The following SGMS1 variants were observed in gnomAD, a reference collection of about 807,000 sequenced individuals.
SGMS1 encodes sphingomyelin synthase 1.
A neutral mutation model predicts 46.2 loss-of-function variants in SGMS1; 13 were observed. The ratio of observed to expected loss-of-function variants is 0.28; its 90% confidence interval spans 0.18 to 0.45. The LOEUF (loss-of-function observed/expected upper bound fraction) is 0.45. Among genes scored for constraint, SGMS1 ranks in the 20% least tolerant of loss-of-function variants. The probability of loss-of-function intolerance (pLI) is 1.00; values close to 1 mark genes in which losing one functional copy is unlikely to be tolerated. For missense variants in SGMS1, 324 were observed against 519.9 expected, an observed-to-expected ratio of 0.62 and a Z score of 3.66; for synonymous variants, 203 against 187.8, an observed-to-expected ratio of 1.08 and a Z score of -0.66.
chr10:50,382,624 AAC>A (rs1554931811), intron 6 of SGMS1, among the ~76,000 whole-genome samples: 1 of 150,682 alleles, frequency 6.6e-6, no homozygotes, highest in South Asian at 2.1e-4. Context: ...CCAAAAAAAA[AAC>A]ACACACACAC....
At chr10:50,509,406 GT>G (rs1377746708) in intron 3 of SGMS1, among the ~76,000 whole-genome samples, 1 of 152,142 alleles carries the variant, frequency 6.6e-6, no homozygotes, top group East Asian at 1.9e-4. Context: ...AATCAAACAT[GT>G]TGGTTTTTCC....
At chr10:50,446,753 T>A (rs990930042) in intron 5 of SGMS1, among the ~76,000 whole-genome samples, 1 of 152,234 alleles carries the variant, frequency 6.6e-6, no homozygotes, top group Non-Finnish European at 1.5e-5. Flanking sequence ...ATGGCACACC[T>A]GACTGAAAGT....
At chr10:50,577,116 T>C (rs1437767615) in intron 2 of SGMS1, among the ~76,000 whole-genome samples, 1 of 152,188 alleles carries the variant, frequency 6.6e-6, no homozygotes, top group Non-Finnish European at 1.5e-5. Context: ...GAGGAGTCTT[T>C]TGGAAGACTC....
chr10:50,549,483 C>G (rs1396745880), intron 2 of SGMS1, among the ~76,000 whole-genome samples: 1 of 152,022 alleles, frequency 6.6e-6, no homozygotes, highest in Non-Finnish European at 1.5e-5. Flanking sequence ...TAAGTGGGAG[C>G]TGAATGATGA....
intron 6 of SGMS1, among the ~76,000 whole-genome samples, chr10:50,353,687 A>AC (rs1403604371): frequency 6.6e-6 from 1 of 152,262 alleles, no homozygotes; most frequent in African/African-American, 2.4e-5. Context: ...TATCTAGAAA[A>AC]CCCCATCGTC....
intron 4 of SGMS1, among the ~76,000 whole-genome samples, chr10:50,461,821 C>T (rs1000142031): frequency 1.3e-5 from 2 of 152,198 alleles, no homozygotes; most frequent in Non-Finnish European, 2.9e-5. Context: ...GTCCCAAGGA[C>T]TTACTTAGGA....
intron 5 of SGMS1, among the ~76,000 whole-genome samples, chr10:50,447,697 G>T (rs1280197744): frequency 6.6e-6 from 1 of 152,018 alleles, no homozygotes; most frequent in Non-Finnish European, 1.5e-5. Flanking sequence ...TATACATTGT[G>T]GAATAGCTAA....
chr10:50,582,333 C>A (rs1838442690), intron 2 of SGMS1, among the ~76,000 whole-genome samples: 1 of 152,184 alleles, frequency 6.6e-6, no homozygotes, highest in African/African-American at 2.4e-5. Context: ...TTCATTAAGT[C>A]ATTTGGATAA....
At chr10:50,385,153 C>A (rs1256218154) in intron 6 of SGMS1, among the ~76,000 whole-genome samples, 2 of 152,032 alleles carry the variant, frequency 1.3e-5, no homozygotes, top group African/African-American at 4.8e-5. Flanking sequence ...CAAGAATGCC[C>A]CAGAAGTAAT....
intron 2 of SGMS1, among the ~76,000 whole-genome samples, chr10:50,581,467 G>A (rs545449294): frequency 6.6e-6 from 1 of 152,280 alleles, no homozygotes; most frequent in South Asian, 2.1e-4. Context: ...GAATAATAAT[G>A]TTGTTGCTTT....
chr10:50,427,518 GT>G (rs1400307997), intron 6 of SGMS1, among the ~76,000 whole-genome samples: 12 of 152,232 alleles, frequency 7.9e-5, no homozygotes, highest in Admixed American at 7.9e-4. Flanking sequence ...AGTCTAGCAT[GT>G]AGTACAAATT....
At chr10:50,310,067 A>G (rs956054454) in intron 9 of SGMS1, among the ~76,000 whole-genome samples, 5 of 151,978 alleles carry the variant, frequency 3.3e-5, no homozygotes, top group Admixed American at 2.6e-4. Context: ...CAACCCCTCA[A>G]TGGGCACCCG....
Position 50,496,040 on chromosome 10 carries a change from G to A in SGMS1, c.-498+23791C>T, listed in dbSNP as rs535226261. Among the ~76,000 whole-genome samples the A allele has an allele frequency of 7.2e-5, 11 of 152,054 alleles. No homozygotes were observed. In the South Asian group the frequency reaches 8.3e-4, roughly 11 times the overall value. ...AAACAGCAGACACTCCATACCTGTCGGTTTTCCTTTATACTGAATCCAGTG... is the reference window on the plus strand; with the variant it reads ...AAACAGCAGACACTCCATACCTGTCAGTTTTCCTTTATACTGAATCCAGTG... On this transcript the variant is annotated intron_variant, in intron 3 of 10. Transcript: ENST00000361781.
chr10:50,488,290 C>T (rs2133734146), intron 3 of SGMS1, among the ~76,000 whole-genome samples: 1 of 152,190 alleles, frequency 6.6e-6, no homozygotes, highest in African/African-American at 2.4e-5. Context: ...GCTGGGATTA[C>T]AGTTGTGAGC....
At chr10:50,328,835 A>G (rs372727903) in intron 7 of SGMS1, among the ~76,000 whole-genome samples, 15 of 152,348 alleles carry the variant, frequency 9.8e-5, no homozygotes, top group African/African-American at 3.4e-4. Flanking sequence ...ATAAAGAGGG[A>G]CGATACTAGA....
intron 2 of SGMS1, among the ~76,000 whole-genome samples, chr10:50,521,029 C>T (rs61858068): frequency 0.19 from 28,350 of 151,988 alleles, 2,803 homozygotes; most frequent in Admixed American, 0.24. Flanking sequence ...CTGGTGCATG[C>T]CACCATGCCC....
intron 6 of SGMS1, among the ~76,000 whole-genome samples, chr10:50,400,865 C>A (rs1383342092): frequency 6.6e-6 from 1 of 152,072 alleles, no homozygotes; most frequent in East Asian, 1.9e-4. Context: ...CTGATGTAAC[C>A]AATTTCCCAA....
chr10:50,324,437 G>A (rs985262506), intron 8 of SGMS1, among the ~76,000 whole-genome samples: 1 of 152,086 alleles, frequency 6.6e-6, no homozygotes, highest in African/African-American at 2.4e-5. Flanking sequence ...CTTTTAATAA[G>A]GTTCCTCTCA....
chr10:50,614,565 G>C (rs1321374822), intron 1 of SGMS1, among the ~76,000 whole-genome samples: 1 of 152,210 alleles, frequency 6.6e-6, no homozygotes, highest in Non-Finnish European at 1.5e-5. Context: ...ACTGCCCACT[G>C]CCACCTGCCC....
Sources: gnomAD v4.1 joint callset for allele counts (sites outside exome capture counted in the v4.1 genomes callset) on GRCh38, gnomAD v4.1.1 for gene constraint, MANE v1.5 for transcripts, NCBI Gene and HGNC (gene_info 2026-07-23, HGNC 2026-07-21) for gene names.